FGD4: variants seen among roughly 807,000 people sequenced by gnomAD.
FGD4 encodes the protein FYVE, RhoGEF and PH domain containing 4.
Under a neutral mutation model 102.0 loss-of-function variants are expected in FGD4, and 42 were observed. The ratio of observed to expected loss-of-function variants is 0.41; its 90% CI spans 0.32 to 0.53. The LOEUF is 0.53. Ranked by LOEUF, FGD4 falls within the 20% of genes least tolerant of loss-of-function variation. The pLI is 0.21. For missense variants in FGD4, 902 were observed against 1,078.2 expected (o/e 0.84, Z 2.29); for synonymous variants, 380 against 375.7 (o/e 1.01, Z -0.13).
At chr12:32,548,913 G>C (rs528109383) in intron 1 of FGD4, among the ~76,000 whole-genome samples, 1 of 152,188 alleles carries the variant, frequency 6.6e-6, no homozygotes, top group Non-Finnish European at 1.5e-5. Flanking sequence ...GATGATTACC[G>C]AGAAGTCAAA....
chr12:32,574,451 A>G (rs1391036567), intron 2 of FGD4, among the ~76,000 whole-genome samples: 2 of 151,854 alleles, frequency 1.3e-5, no homozygotes, highest in Non-Finnish European at 2.9e-5. Context: ...ACATTAGTAC[A>G]TACTTATTCT....
chr12:32,448,243 A>G (rs1252142869), intron 1 of FGD4, among the ~76,000 whole-genome samples: 2 of 152,158 alleles, frequency 1.3e-5, no homozygotes, highest in Non-Finnish European at 2.9e-5. Flanking sequence ...TCACAGTGCA[A>G]TATGGTGTTA....
At chr12:32,474,512 C>T (rs1048028784) in intron 1 of FGD4, among the ~76,000 whole-genome samples, 1 of 152,110 alleles carries the variant, frequency 6.6e-6, no homozygotes, top group African/African-American at 2.4e-5. Flanking sequence ...TGTATGCTTC[C>T]ATGTATATGA....
At chr12:32,422,071 G>A (rs1289605163) in intron 1 of FGD4, among the ~76,000 whole-genome samples, 1 of 150,796 alleles carries the variant, frequency 6.6e-6, no homozygotes, top group Non-Finnish European at 1.5e-5. Context: ...GTGAACCCGG[G>A]AGGCTGAGCT....
intron 1 of FGD4, among the ~76,000 whole-genome samples, chr12:32,444,812 C>G (rs941156601): frequency 2.6e-5 from 4 of 152,142 alleles, no homozygotes; most frequent in Non-Finnish European, 5.9e-5. Context: ...CTTCAGAATT[C>G]AGCAGAAAGA....
chr12:32,615,649 G>T (rs147139129), intron 10 of FGD4, among the ~76,000 whole-genome samples: 1 of 151,968 alleles, frequency 6.6e-6, no homozygotes, highest in African/African-American at 2.4e-5. Context: ...GCAGATCGGG[G>T]TGGGGTGGGG....
chr12:32,616,390 T>C (rs577402379), intron 10 of FGD4, among the ~76,000 whole-genome samples: 122 of 152,330 alleles, frequency 8.0e-4, no homozygotes, highest in African/African-American at 2.9e-3. Context: ...ATCAAACATA[T>C]GCCGTTGCCT....
In FGD4 at chr12:32,429,000, TCACC is replaced by T. The variant is rs200373014; in HGVS notation, c.166+29046_166+29049del. ...TCCTTTAGCTCAGAGGAGTTTTTTA[TCACC>T]CACCTTCTGAAGCCTACTTCTGTCA... is the stretch of plus-strand genomic sequence containing the variant. On this transcript the variant is annotated intron_variant, in intron 1 of 16. Transcript: ENST00000534526. Among the ~76,000 whole-genome samples the T allele has an allele frequency of 3.4e-4, 52 of 152,342 alleles. 1 individual carries two copies. The East Asian group carries it at 9.1e-3, about 27-fold the overall frequency.
At chr12:32,613,281 C>T (rs919086083) in intron 10 of FGD4, among the ~76,000 whole-genome samples, 3 of 152,140 alleles carry the variant, frequency 2.0e-5, no homozygotes, top group Non-Finnish European at 2.9e-5. Context: ...AACTTAGGAA[C>T]TAATTGTCAT....
intron 1 of FGD4, among the ~76,000 whole-genome samples, chr12:32,472,716 C>A (rs1430100290): frequency 6.6e-6 from 1 of 152,228 alleles, no homozygotes; most frequent in Non-Finnish European, 1.5e-5. Flanking sequence ...CACCTGCAGC[C>A]CCGGTGCGGG....
At chr12:32,474,712 A>G (rs1943541749) in intron 1 of FGD4, among the ~76,000 whole-genome samples, 1 of 152,026 alleles carries the variant, frequency 6.6e-6, no homozygotes, top group South Asian at 2.1e-4. Flanking sequence ...GAGTTTGAGA[A>G]TAGCCTGGAC....
At chr12:32,577,924 A>G (rs1414907794) in intron 3 of FGD4, among the ~76,000 whole-genome samples, 1 of 152,146 alleles carries the variant, frequency 6.6e-6, no homozygotes, top group African/African-American at 2.4e-5. Flanking sequence ...TAACTCTCTG[A>G]AGCCTGGAAA....
chr12:32,493,103 G>A (rs542101557), intron 1 of FGD4, among the ~76,000 whole-genome samples: 5 of 152,322 alleles, frequency 3.3e-5, no homozygotes, highest in East Asian at 3.9e-4. Flanking sequence ...TTTAGGTCAC[G>A]AGATGTCTGG....
At chr12:32,592,177 G>T (rs1979825) in intron 4 of FGD4, among the ~76,000 whole-genome samples, 1,706 of 152,088 alleles carry the variant, frequency 0.011, 26 homozygotes, top group East Asian at 0.032. Flanking sequence ...CCGCTTCCTG[G>T]GTTCAAGCGA....
rs770560590 is a variant in FGD4, at chr12:32,422,288, C to CTTTTTTTTTTTTTTTTTTTTTTTTTTTT, written c.166+22330_166+22357dup. 3.9e-4 allele frequency among the ~76,000 whole-genome samples: 21 copies of CTTTTTTTTTTTTTTTTTTTTTTTTTTTT among 54,174 alleles called. 5 individuals carry two copies. Among genetic ancestry groups the CTTTTTTTTTTTTTTTTTTTTTTTTTTTT allele is most frequent in the Non-Finnish European group, 5.6e-4 (17 of 30,242 alleles). The allele number at this position is 54,174 out of a possible 152,430, so 35.5% of individuals were successfully genotyped here. On this transcript the variant is annotated intron_variant, in intron 1 of 16. Transcript: ENST00000534526. ...TTGAAGCATCTCAAATTGGGAGCTG[C>CTTTTTTTTTTTTTTTTTTTTTTTTTTTT]TTTTTTTTTTTTTTTTTTTTTTTTT...
chr12:32,548,706 T>G (rs1943424330), intron 1 of FGD4, among the ~76,000 whole-genome samples: 1 of 152,214 alleles, frequency 6.6e-6, no homozygotes, highest in Admixed American at 6.5e-5. Context: ...TCATCTGATC[T>G]TTTAGGCTGA....
intron 1 of FGD4, among the ~76,000 whole-genome samples, chr12:32,460,313 A>G (rs1591944365): frequency 6.6e-6 from 1 of 152,050 alleles, no homozygotes; most frequent in African/African-American, 2.4e-5. Flanking sequence ...GGAGTTCGAG[A>G]CCAGCCTGGG....
chr12:32,576,518 A>T (rs1223751875), intron 3 of FGD4, 69 bp downstream of exon 3: 5 of 1,509,318 alleles, frequency 3.3e-6, no homozygotes, highest in African/African-American at 1.4e-5. Context: ...AATGATAGTC[A>T]TAGATACATT....
intron 1 of FGD4, among the ~76,000 whole-genome samples, chr12:32,518,428 A>C (rs1940134618): frequency 6.6e-6 from 1 of 152,168 alleles, no homozygotes; most frequent in South Asian, 2.1e-4. Context: ...TGGTGAGCCA[A>C]CATAGCGCCA....
Sources: allele counts gnomAD v4.1 joint callset (sites outside exome capture counted in the v4.1 genomes callset), GRCh38; gene constraint gnomAD v4.1.1; transcripts MANE v1.5; gene names NCBI Gene and HGNC (gene_info 2026-07-23, HGNC 2026-07-21).